The following CNKSR2 variants were observed in gnomAD, a reference collection of about 807,000 sequenced individuals.
The protein encoded by CNKSR2 is CNK homolog protein 2.
Under a neutral mutation model 84.4 loss-of-function variants are expected in CNKSR2, and 14 were observed. That is an observed-to-expected ratio of 0.17 (90% CI 0.11 to 0.26). The LOEUF (loss-of-function observed/expected upper bound fraction) is 0.26. Ranked by LOEUF, CNKSR2 falls within the 10% of genes least tolerant of loss-of-function variation. CNKSR2 has a pLI of 1.00. For missense variants in CNKSR2, 485 were observed against 771.2 expected (o/e 0.63, Z 4.40); for synonymous variants, 275 against 277.9 (o/e 0.99, Z 0.10).
intron 5 of CNKSR2, among the ~76,000 whole-genome samples, chrX:21,482,167 G>C (rs1259440466): frequency 4.5e-5 from 5 of 112,259 alleles, no homozygotes; most frequent in Non-Finnish European, 7.5e-5. Flanking sequence ...GCCAAAGAGA[G>C]ACTAGTAGCC....
intron 4 of CNKSR2, among the ~76,000 whole-genome samples, chrX:21,447,681 A>G (rs1181130948): frequency 8.9e-6 from 1 of 112,004 alleles, no homozygotes; most frequent in African/African-American, 3.2e-5. Context: ...TCATTTAAGA[A>G]AAGATTTGCT....
At chrX:21,431,997 T>G (rs754970119) in intron 2 of CNKSR2, among the ~76,000 whole-genome samples, 26 of 111,900 alleles carry the variant, frequency 2.3e-4, no homozygotes, top group Non-Finnish European at 4.3e-4. Flanking sequence ...GTTTCATAAT[T>G]TGTATTACAA....
At chrX:21,433,429 G>A (rs1313642634) in intron 3 of CNKSR2, among the ~76,000 whole-genome samples, 1 of 111,097 alleles carries the variant, frequency 9.0e-6, no homozygotes, top group Non-Finnish European at 1.9e-5. Flanking sequence ...TACTGTATGT[G>A]GTTAAACATT....
At chrX:21,608,869 C>T (rs2092533453) in intron 19 of CNKSR2, among the ~76,000 whole-genome samples, 1 of 112,023 alleles carries the variant, frequency 8.9e-6, no homozygotes. Flanking sequence ...GGTATAGCCG[C>T]ATTCCAATAC....
At chrX:21,507,654 C>T (rs918720737) in intron 8 of CNKSR2, among the ~76,000 whole-genome samples, 5 of 111,368 alleles carry the variant, frequency 4.5e-5, no homozygotes, top group African/African-American at 1.6e-4. Context: ...ATTTTTGTTA[C>T]ATGTCTGCTA....
In CNKSR2 at chrX:21,555,007, C is replaced by CT. The variant is rs368859808; in HGVS notation, c.1304-6449dup. Among the ~76,000 whole-genome samples, 383 of 95,929 alleles carry CT rather than the reference C, an allele frequency of 4.0e-3. 1 individual carries two copies. The highest frequency in any genetic ancestry group is 0.011 in the Middle Eastern group (2 of 182). 83.3% of individuals were successfully genotyped at this position (95,929 alleles called of 115,157 possible). A position where few individuals can be genotyped will look rare whatever the true frequency, so the allele number is the denominator to read the frequency against. On this transcript the variant is annotated intron_variant, in intron 11 of 21. Transcript: ENST00000379510. Reference sequence around the variant, plus strand: ...CACAACCTCACCAACATCTGTCTTTCTTTTTTTTTTTTTTTACTTTTTGGT... The same window carrying CT: ...CACAACCTCACCAACATCTGTCTTTCTTTTTTTTTTTTTTTTACTTTTTGGT...
chrX:21,478,449 T>G (rs1010951696), intron 5 of CNKSR2, among the ~76,000 whole-genome samples: 1 of 111,916 alleles, frequency 8.9e-6, no homozygotes, highest in Non-Finnish European at 1.9e-5. Context: ...TAATCTGGTT[T>G]TAGTGTTTCT....
chrX:21,424,596 TG>T (rs1241477290), intron 1 of CNKSR2: 1 of 111,809 alleles, frequency 8.9e-6, no homozygotes, highest in East Asian at 2.8e-4. Flanking sequence ...TAAAATAGTA[TG>T]GTATTTGGAT....
At chrX:21,611,817 T>G (rs1433733934) in intron 20 of CNKSR2, among the ~76,000 whole-genome samples, 1 of 111,624 alleles carries the variant, frequency 9.0e-6, no homozygotes, top group Non-Finnish European at 1.9e-5. Context: ...TATTGTACTT[T>G]TTGTCTTTAT....
intron 4 of CNKSR2, among the ~76,000 whole-genome samples, chrX:21,442,897 A>G (rs759775151): frequency 5.4e-5 from 6 of 111,285 alleles, no homozygotes; most frequent in South Asian, 3.8e-4. Context: ...AACTTAACAC[A>G]GGAACAGAAA....
At chrX:21,646,178 C>T (rs771307154) in intron 20 of CNKSR2, among the ~76,000 whole-genome samples, 1 of 111,050 alleles carries the variant, frequency 9.0e-6, no homozygotes, top group African/African-American at 3.3e-5. Context: ...TGATAGGAGC[C>T]ACACTATCCC....
At chrX:21,614,647 G>T (rs896233531) in intron 20 of CNKSR2, among the ~76,000 whole-genome samples, 3 of 111,568 alleles carry the variant, frequency 2.7e-5, no homozygotes, top group Non-Finnish European at 3.8e-5. Context: ...GTCTGATTTT[G>T]AAGAAATACT....
intron 13 of CNKSR2, among the ~76,000 whole-genome samples, chrX:21,566,618 A>G (rs925940654): frequency 8.9e-6 from 1 of 111,970 alleles, no homozygotes; most frequent in Non-Finnish European, 1.9e-5. Flanking sequence ...CTGCCGTAAT[A>G]CTAGCTCTAT....
chrX:21,454,902 A>G (rs933104834), intron 4 of CNKSR2, among the ~76,000 whole-genome samples: 1 of 112,035 alleles, frequency 8.9e-6, no homozygotes, highest in Non-Finnish European at 1.9e-5. Context: ...AGGTTAAATG[A>G]CCTGCAAAGT....
intron 20 of CNKSR2, among the ~76,000 whole-genome samples, chrX:21,634,537 T>G (rs755508874): frequency 1.8e-5 from 2 of 111,266 alleles, no homozygotes; most frequent in Admixed American, 9.6e-5. Context: ...TGGAGGAAAA[T>G]CAATATTACC....
At chrX:21,442,108 G>A (rs902403671) in intron 4 of CNKSR2, among the ~76,000 whole-genome samples, 5 of 110,709 alleles carry the variant, frequency 4.5e-5, no homozygotes, top group African/African-American at 1.3e-4. Context: ...ACCTCCATTT[G>A]CAGGAATTTG....
intron 13 of CNKSR2, among the ~76,000 whole-genome samples, chrX:21,576,448 C>T (rs1382480351): frequency 9.0e-6 from 1 of 110,768 alleles, no homozygotes; most frequent in Non-Finnish European, 1.9e-5. Context: ...TAATCTCAGC[C>T]CCTACCTCAA....
chrX:21,400,163 G>A (rs751399354), intron 1 of CNKSR2, among the ~76,000 whole-genome samples: 1 of 111,212 alleles, frequency 9.0e-6, no homozygotes, highest in African/African-American at 3.3e-5. Flanking sequence ...GAAGTTCAAT[G>A]AAATAATGTA....
In CNKSR2 at chrX:21,426,646, C is replaced by T. The variant is rs1336340217; in HGVS notation, c.214C>T (p.Leu72Phe). Residue 72 changes from leucine (L) to phenylalanine (F), a missense_variant, in exon 2 of 22, where the codon CTT becomes TTT. Leu to Phe is a conservative substitution (Grantham distance 22). This residue lies in a region of CNKSR2 where 109 missense variants were observed against 197.5 expected (regional missense o/e 0.55). Coordinates refer to ENST00000379510, the MANE Select transcript of CNKSR2 (RefSeq NM_014927.5). ...GGAACTGATCTTGGAAGCAGTTGAC[C>T]TTCTGTGTGCATTGGTAAGGACATA... is the stretch of plus-strand genomic sequence containing the variant. ...HQELILEAVD[L>F]LCALNYGLET... is the part of the protein sequence containing the mutation. The T allele has an allele frequency of 8.3e-7, 1 of 1,201,795 alleles. No individual in the cohort carries two copies. Among genetic ancestry groups the T allele is most frequent in the Non-Finnish European group, 1.1e-6 (1 of 892,129 alleles).
Sources: allele counts gnomAD v4.1 joint callset (sites outside exome capture counted in the v4.1 genomes callset), GRCh38; gene constraint gnomAD v4.1.1; regional missense constraint gnomAD v4.1.1; transcripts MANE v1.5; gene names NCBI Gene and HGNC (gene_info 2026-07-23, HGNC 2026-07-21).